Variants in RBP4 observed in about 807,000 individuals in gnomAD.
The protein encoded by RBP4 is retinol binding protein 4, also known as retinol-binding protein 4.
Under a neutral mutation model 26.2 loss-of-function variants are expected in RBP4, and 9 were observed. The observed-to-expected ratio is 0.34, with a 90% CI of 0.21 to 0.60. The LOEUF is 0.60. Among genes scored for constraint, RBP4 ranks in the 20% least tolerant of loss-of-function variants. The probability of loss-of-function intolerance (pLI) is 0.80; values close to 1 mark genes in which losing one functional copy is unlikely to be tolerated. For missense variants in RBP4, 244 were observed against 271.3 expected (o/e 0.90, Z 0.71); for synonymous variants, 114 against 111.0 (o/e 1.03, Z -0.17).
chr10:93,601,145 GC>G, intron 1 of RBP4, 25 bp downstream of exon 1: 1 of 1,451,528 alleles, frequency 6.9e-7, no homozygotes, highest in Non-Finnish European at 9.0e-7. Flanking sequence ...CCCGCCGCCG[GC>G]CCCGAGGCCC....
At position 93,593,803 on chromosome 10, in the gene RBP4, G is replaced by A. The variant is rs764165063; in HGVS notation, c.568+20C>T. The A allele has an allele frequency of 2.7e-5, 44 of 1,609,066 alleles. No homozygotes were observed. Among genetic ancestry groups the A allele is most frequent in the Non-Finnish European group, 3.7e-5 (44 of 1,178,496 alleles). On this transcript the variant is annotated intron_variant, in intron 5 of 5. Coordinates refer to ENST00000371464, the MANE Select transcript of RBP4 (RefSeq NM_006744.4). ...ACTGCCCTGCAGGAAGAGCCAGAAG[G>A]CACCCTGCTCCTGACTCACCGTTGT... is the stretch of plus-strand genomic sequence containing the variant.
rs56401591 is a variant in RBP4 at position 93,600,893 on chromosome 10, C to T, written c.111+25G>A. 275,480 of 1,610,678 alleles carry T rather than the reference C, an allele frequency of 0.17. 25,360 individuals are homozygous for T. The highest frequency in any genetic ancestry group is 0.31 in the South Asian group (28,605 of 90,988). ...GGGATGGGGTGGGGACCTGGGCCGC[C>T]TGGGCCCCCTGGGCCGATACCTACG... On this transcript the variant is annotated intron_variant, in intron 2 of 5. Coordinates refer to ENST00000371464, the MANE Select transcript of RBP4 (RefSeq NM_006744.4).
At chr10:93,593,748 A>T in intron 5 of RBP4, 75 bp downstream of exon 5, 1 of 1,491,598 alleles carries the variant, frequency 6.7e-7, no homozygotes, top group Non-Finnish European at 9.3e-7. Flanking sequence ...AATGAATTTC[A>T]CTAGCACGTG....
intron 4 of RBP4, among the ~76,000 whole-genome samples, chr10:93,598,162 T>C (rs1341808212): frequency 1.3e-5 from 2 of 152,328 alleles, no homozygotes; most frequent in East Asian, 3.9e-4. Flanking sequence ...GTGGTCTCCA[T>C]GGGTCCTCCC....
At chr10:93,600,615 C>A (rs1442450565) in intron 3 of RBP4, 52 bp downstream of exon 3, 2 of 1,612,504 alleles carry the variant, frequency 1.2e-6, no homozygotes, top group Admixed American at 1.7e-5. Flanking sequence ...CAGGCAGGGC[C>A]CTTGGGGAAC....
In RBP4 at chr10:93,595,503, C is replaced by T. The variant is rs186523197; in HGVS notation, c.356-1468G>A. 2.8e-4 allele frequency among the ~76,000 whole-genome samples: 43 copies of T among 152,348 alleles called. 1 individual carries two copies. Among genetic ancestry groups the T allele is most frequent in the African/African-American group, 1.0e-3 (43 of 41,584 alleles). On this transcript the variant is annotated intron_variant, in intron 4 of 5. Coordinates refer to ENST00000371464, the MANE Select transcript of RBP4 (RefSeq NM_006744.4). The stretch of plus-strand genomic sequence containing the variant: ...ATCCCAGAGCCCACATGCTTCACCT[C>T]TACACCACACTGTCTCCAGACAATC...
At chr10:93,594,921 C>G (rs999273921) in intron 4 of RBP4, among the ~76,000 whole-genome samples, 1 of 152,078 alleles carries the variant, frequency 6.6e-6, no homozygotes, top group Non-Finnish European at 1.5e-5. Flanking sequence ...GGGAGGGTAA[C>G]TTGAGGCCAG....
In RBP4 at chr10:93,593,711, C is replaced by T. The variant is rs1336725273; in HGVS notation, c.568+112G>A. 4 of 1,262,050 alleles carry T rather than the reference C, an allele frequency of 3.2e-6. No homozygotes were observed. In the African/African-American group the frequency reaches 5.9e-5, roughly 19 times the overall value. The allele number at this position is 1,262,050 out of a possible 1,614,324, so 78.2% of individuals were successfully genotyped here. A position where few individuals can be genotyped will look rare whatever the true frequency, so the allele number is the denominator to read the frequency against. ...GGCCTCAGAAAGGGGCTCCCAAGAA[C>T]CCCTGTTTTCTCTGGGGTACGGACA... On this transcript the variant is annotated intron_variant, in intron 5 of 5. Transcript: ENST00000371464.
Position 93,600,424 on chromosome 10 carries a change from G to A in RBP4, c.324C>T (p.Tyr108=). 1 of 1,614,162 alleles carries A rather than the reference G, an allele frequency of 6.2e-7. No individual in the cohort carries two copies. The highest frequency in any genetic ancestry group is 2.2e-5 in the East Asian group (1 of 44,874). ...TCTGGAGAAAGGAGGCTACGCCCCAGTACTTCATCTTGAACTTGGCAGGGT... is the reference window on the plus strand; with the variant it reads ...TCTGGAGAAAGGAGGCTACGCCCCAATACTTCATCTTGAACTTGGCAGGGT... ...TEDPAKFKMK[Y]WGVASFLQKG... Residue 108 remains tyrosine (Y), a synonymous_variant, in exon 4 of 6, where the codon TAC becomes TAT. Coordinates refer to ENST00000371464, the MANE Select transcript of RBP4 (RefSeq NM_006744.4).
At chr10:93,596,588 G>A (rs2058304367) in intron 4 of RBP4, among the ~76,000 whole-genome samples, 1 of 152,178 alleles carries the variant, frequency 6.6e-6, no homozygotes, top group Admixed American at 6.5e-5. Flanking sequence ...GAGAGCGTTG[G>A]AGGCAGTGGC....
chr10:93,592,524 G>A (rs1269008507), intron 5 of RBP4, among the ~76,000 whole-genome samples: 2 of 152,170 alleles, frequency 1.3e-5, no homozygotes, highest in Non-Finnish European at 2.9e-5. Flanking sequence ...GTCACCAGAT[G>A]GTGTGGCACA....
rs1032656949 is a variant in RBP4 at position 93,591,981 on chromosome 10, G to C, written c.*94C>G. 1.1e-5 allele frequency: 11 copies of C among 1,037,632 alleles called. No individual in the cohort carries two copies. In the African/African-American group the frequency reaches 1.7e-4, roughly 16 times the overall value. The allele number at this position is 1,037,632 out of a possible 1,614,324, so 64.3% of individuals were successfully genotyped here. ...GTTTTATGGGAACTGAGGGAAGATG[G>C]GGAGAGAAGGGCAAATTAAACTCCT... On this transcript the variant is annotated 3_prime_UTR_variant, in exon 6 of 6. Transcript: ENST00000371464.
At chr10:93,599,629 C>T (rs2058323297) in intron 4 of RBP4, among the ~76,000 whole-genome samples, 1 of 152,152 alleles carries the variant, frequency 6.6e-6, no homozygotes, top group Non-Finnish European at 1.5e-5. Context: ...TATTGAACCC[C>T]CTCCAAAAGG....
At chr10:93,592,532 A>G (rs1239136339) in intron 5 of RBP4, among the ~76,000 whole-genome samples, 1 of 152,200 alleles carries the variant, frequency 6.6e-6, no homozygotes, top group African/African-American at 2.4e-5. Flanking sequence ...ATGGTGTGGC[A>G]CAAGGGACTT....
At chr10:93,601,602 A>G, upstream of RBP4, 1 of 742,010 alleles carries the variant, frequency 1.3e-6, no homozygotes, top group Non-Finnish European at 2.5e-6. Context: ...TCACAGAGCG[A>G]GAGCGGACCC....
At chr10:93,596,650 A>G (rs2058304928) in intron 4 of RBP4, among the ~76,000 whole-genome samples, 1 of 152,180 alleles carries the variant, frequency 6.6e-6, no homozygotes, top group Non-Finnish European at 1.5e-5. Flanking sequence ...AAGTGGGGTC[A>G]TGCTGCAGCT....
At chr10:93,601,320 G>A (rs180976304), upstream of RBP4, 164 of 1,226,008 alleles carry the variant, frequency 1.3e-4, 1 homozygote, top group East Asian at 5.4e-3. Flanking sequence ...AAAGACCGAA[G>A]GGGAGGCGCC....
chr10:93,600,837 C>T (rs1197196232), intron 2 of RBP4, 34 bp from the exon 3 acceptor site: 5 of 696,898 alleles, frequency 7.2e-6, no homozygotes, highest in East Asian at 7.1e-5. Flanking sequence ...GTTTGGCGTC[C>T]GGGGGCGCAC....
intron 4 of RBP4, among the ~76,000 whole-genome samples, chr10:93,596,564 T>C (rs888436363): frequency 6.6e-6 from 1 of 152,094 alleles, no homozygotes; most frequent in African/African-American, 2.4e-5. Flanking sequence ...CCGCATGCAG[T>C]GGAGCTAGGG....
Sources: allele counts gnomAD v4.1 joint callset (sites outside exome capture counted in the v4.1 genomes callset), GRCh38; gene constraint gnomAD v4.1.1; transcripts MANE v1.5; gene names NCBI Gene and HGNC (gene_info 2026-07-23, HGNC 2026-07-21).